ZNF676: variants seen among roughly 807,000 people sequenced by gnomAD.
The protein encoded by ZNF676 is zinc finger protein 676.
In ZNF676, 4 loss-of-function variants were observed where a neutral mutation model predicts 6.0. The observed-to-expected ratio is 0.67, with a 90% CI of 0.33 to 1.53. The LOEUF (loss-of-function observed/expected upper bound fraction) is 1.53. Ranked by LOEUF, ZNF676 falls within the 40% of genes most tolerant of loss-of-function variation. The pLI, the probability that ZNF676 is intolerant of heterozygous loss-of-function variation, is 0.06. For synonymous variants in ZNF676, 198 were observed against 223.1 expected (o/e 0.89, Z 1.00); for missense variants, 644 against 679.7 (o/e 0.95, Z 0.58).
At chr19:22,194,876 C>A (rs2144767138) in intron 1 of ZNF676, among the ~76,000 whole-genome samples, 1 of 152,156 alleles carries the variant, frequency 6.6e-6, no homozygotes, top group South Asian at 2.1e-4. Context: ...ATTAGATCTC[C>A]CAGTCAGAGA....
intron 2 of ZNF676, among the ~76,000 whole-genome samples, chr19:22,190,630 CATATATATATATATATATAT>C (rs74174059): frequency 2.7e-4 from 18 of 66,820 alleles, no homozygotes; most frequent in Admixed American, 6.5e-4. Context: ...TAGAATGCAA[CATATATATATATATATATAT>C]ATATATATAT....
the ZNF676 span, among the ~76,000 whole-genome samples, chr19:22,227,855 G>A: frequency 6.6e-6 from 1 of 152,156 alleles, no homozygotes; most frequent in Non-Finnish European, 1.5e-5. Flanking sequence ...TTGAAATTGA[G>A]GCAGTAATTA....
At chr19:22,210,476 T>C (rs2024117784) in intron 1 of ZNF676, among the ~76,000 whole-genome samples, 1 of 152,226 alleles carries the variant, frequency 6.6e-6, no homozygotes, top group African/African-American at 2.4e-5. Context: ...TGTAGTTATA[T>C]TCACTGGATT....
At chr19:22,222,870 G>A in the ZNF676 span, among the ~76,000 whole-genome samples, 1 of 152,148 alleles carries the variant, frequency 6.6e-6, no homozygotes, top group East Asian at 1.9e-4. Context: ...CAGACACTAG[G>A]GGAAGTTGTT....
chr19:22,186,294 A>C lies in ZNF676; in HGVS notation c.131-4708T>G, dbSNP rs1213091175. On this transcript the variant is annotated intron_variant, in intron 2 of 2. Transcript: ENST00000397121. Reference sequence around the variant, plus strand: ...CCAGCCAAACTAAGCTTCATAAGCGAAGGTGAAATAAAATCCTTTACAGAC... The same window carrying C: ...CCAGCCAAACTAAGCTTCATAAGCGCAGGTGAAATAAAATCCTTTACAGAC... 2.6e-5 allele frequency among the ~76,000 whole-genome samples: 4 copies of C among 152,358 alleles called. No individual in the cohort carries two copies. The East Asian group carries it at 7.7e-4, about 29-fold the overall frequency.
the ZNF676 span, among the ~76,000 whole-genome samples, chr19:22,242,173 GATGT>G: frequency 6.6e-6 from 1 of 151,966 alleles, no homozygotes; most frequent in East Asian, 1.9e-4. Flanking sequence ...GCCAGGCCAA[GATGT>G]ATGTAACAAT....
intron 1 of ZNF676, among the ~76,000 whole-genome samples, chr19:22,195,000 A>G (rs2023952309): frequency 6.6e-6 from 1 of 152,322 alleles, no homozygotes; most frequent in Admixed American, 6.5e-5. Context: ...CTTAACTTGC[A>G]AGGCATCACT....
chr19:22,206,284 T>G (rs1219173368), intron 1 of ZNF676, among the ~76,000 whole-genome samples: 1 of 152,222 alleles, frequency 6.6e-6, no homozygotes, highest in Admixed American at 6.5e-5. Context: ...CAACTCATTA[T>G]GTAAGAACAG....
intron 2 of ZNF676, among the ~76,000 whole-genome samples, chr19:22,186,110 A>G (rs1339207060): frequency 6.6e-6 from 1 of 152,198 alleles, no homozygotes; most frequent in Non-Finnish European, 1.5e-5. Context: ...TGAAGAAAAA[A>G]ATGTTGAGGG....
At chr19:22,183,197 A>C (rs2023785817) in intron 2 of ZNF676, among the ~76,000 whole-genome samples, 1 of 152,302 alleles carries the variant, frequency 6.6e-6, no homozygotes, top group Non-Finnish European at 1.5e-5. Context: ...AAACAAAGGA[A>C]GACAGAAAGA....
At chr19:22,247,960 T>C in the ZNF676 span, among the ~76,000 whole-genome samples, 1 of 143,076 alleles carries the variant, frequency 7.0e-6, no homozygotes, top group Non-Finnish European at 1.5e-5. Context: ...AGTGTTCTCA[T>C]TGCTCAATTC....
chr19:22,193,135 A>T (rs984600554), intron 1 of ZNF676, 24 bp from the exon 2 acceptor site: 2 of 1,577,996 alleles, frequency 1.3e-6, no homozygotes, highest in Non-Finnish European at 1.7e-6. Flanking sequence ...AATGAACAAC[A>T]TCCATCTTGC....
chr19:22,235,499 A>G, the ZNF676 span, among the ~76,000 whole-genome samples: 1 of 152,142 alleles, frequency 6.6e-6, no homozygotes, highest in Non-Finnish European at 1.5e-5. Context: ...GCAGCAACTT[A>G]CCTTTTACCT....
chr19:22,251,603 C>A, the ZNF676 span, among the ~76,000 whole-genome samples: 1 of 152,020 alleles, frequency 6.6e-6, no homozygotes, highest in Non-Finnish European at 1.5e-5. Flanking sequence ...GCCTGGCCCA[C>A]ATGGTGAAAC....
chr19:22,240,845 C>T, the ZNF676 span, among the ~76,000 whole-genome samples: 1 of 151,896 alleles, frequency 6.6e-6, no homozygotes, highest in Non-Finnish European at 1.5e-5. Flanking sequence ...AGATATGTCC[C>T]AATCCCTCTG....
chr19:22,255,725 G>T, the ZNF676 span, among the ~76,000 whole-genome samples: 1 of 151,908 alleles, frequency 6.6e-6, no homozygotes, highest in Non-Finnish European at 1.5e-5. Context: ...GGTGCCTGTT[G>T]TCTCAGCTAC....
chr19:22,212,458 T>C (rs2024139146), intron 1 of ZNF676, among the ~76,000 whole-genome samples: 1 of 152,098 alleles, frequency 6.6e-6, no homozygotes. Context: ...CCCAGCACTT[T>C]GGGAGGCCAA....
chr19:22,191,342 C>T (rs1434254175), intron 2 of ZNF676, among the ~76,000 whole-genome samples: 3 of 152,162 alleles, frequency 2.0e-5, no homozygotes, highest in Non-Finnish European at 2.9e-5. Flanking sequence ...GAATTTTGAA[C>T]TTACTCTGTA....
chr19:22,252,935 G>A, the ZNF676 span, among the ~76,000 whole-genome samples: 5 of 152,198 alleles, frequency 3.3e-5, no homozygotes, highest in African/African-American at 7.2e-5. Context: ...GTCCAGAGAT[G>A]AGATTAACCA....
Sources: allele counts gnomAD v4.1 joint callset (sites outside exome capture counted in the v4.1 genomes callset), GRCh38; gene constraint gnomAD v4.1.1; transcripts MANE v1.5; gene names NCBI Gene and HGNC (gene_info 2026-07-23, HGNC 2026-07-21).